Variants in CSMD1 observed in about 807,000 individuals in gnomAD.
CSMD1 encodes CUB and Sushi multiple domains 1, also known as CUB and sushi domain-containing protein 1.
In CSMD1, 213 loss-of-function variants were observed where a neutral mutation model predicts 417.5. The ratio of observed to expected loss-of-function variants is 0.51; its 90% CI spans 0.46 to 0.57. The LOEUF (loss-of-function observed/expected upper bound fraction) is 0.57. Ranked by LOEUF, CSMD1 falls within the 20% of genes least tolerant of loss-of-function variation. CSMD1 has a pLI of 0.00. For missense variants in CSMD1, 6,923 were observed against 4,529.7 expected (o/e 1.53, Z -15.17); for synonymous variants, 2,862 against 1,736.8 (o/e 1.65, Z -16.11).
intron 3 of CSMD1, among the ~76,000 whole-genome samples, chr8:4,165,277 G>C (rs976773598): frequency 6.6e-6 from 1 of 152,230 alleles, no homozygotes; most frequent in Admixed American, 6.5e-5. Context: ...AGTTACAGCT[G>C]TTGATCCACT....
chr8:3,465,289 C>T (rs993540437), intron 12 of CSMD1, among the ~76,000 whole-genome samples: 2 of 152,090 alleles, frequency 1.3e-5, no homozygotes, highest in Non-Finnish European at 2.9e-5. Flanking sequence ...CTAAAAGGGT[C>T]CATTAACTGA....
At chr8:4,039,426 T>A (rs1797775539) in intron 3 of CSMD1, among the ~76,000 whole-genome samples, 7 of 152,214 alleles carry the variant, frequency 4.6e-5, no homozygotes, top group African/African-American at 1.4e-4. Context: ...CAGGATCACA[T>A]TAAAAAATCG....
chr8:3,364,444 A>G (rs1258181751), intron 20 of CSMD1, among the ~76,000 whole-genome samples: 2 of 152,210 alleles, frequency 1.3e-5, no homozygotes, highest in Admixed American at 6.5e-5. Flanking sequence ...TAACCACTTT[A>G]AAGACCCATG....
chr8:4,915,707 C>A (rs1806018345), intron 1 of CSMD1, among the ~76,000 whole-genome samples: 1 of 152,270 alleles, frequency 6.6e-6, no homozygotes, highest in Middle Eastern at 3.4e-3. Context: ...AGGGTCACGC[C>A]CTAAACATTA....
At chr8:4,400,537 T>G (rs1426527278) in intron 3 of CSMD1, among the ~76,000 whole-genome samples, 2 of 152,234 alleles carry the variant, frequency 1.3e-5, no homozygotes, top group Non-Finnish European at 2.9e-5. Context: ...CTCTATGCCT[T>G]TCGTGCAAGG....
intron 3 of CSMD1, among the ~76,000 whole-genome samples, chr8:4,186,559 G>C (rs915422234): frequency 3.3e-5 from 5 of 152,216 alleles, no homozygotes; most frequent in African/African-American, 9.6e-5. Flanking sequence ...TATAAAAGAC[G>C]AAATAATAGG....
intron 12 of CSMD1, among the ~76,000 whole-genome samples, chr8:3,414,009 C>A (rs768431886): frequency 6.8e-4 from 103 of 151,580 alleles, no homozygotes; most frequent in Middle Eastern, 6.8e-3. Flanking sequence ...AATGGTGGTG[C>A]ACGCCTGGAA....
At chr8:4,588,765 C>T (rs1234097681) in intron 2 of CSMD1, among the ~76,000 whole-genome samples, 1 of 136,850 alleles carries the variant, frequency 7.3e-6, no homozygotes, top group African/African-American at 2.7e-5. Context: ...AGCCTGGCGA[C>T]AGAGCAAGAC....
At chr8:4,006,952 C>T (rs774324826) in intron 4 of CSMD1, among the ~76,000 whole-genome samples, 2 of 150,932 alleles carry the variant, frequency 1.3e-5, no homozygotes, top group Non-Finnish European at 1.5e-5. Context: ...TTCAGACTCA[C>T]GAGTAGCTGG....
intron 3 of CSMD1, among the ~76,000 whole-genome samples, chr8:4,298,495 G>C (rs779100096): frequency 2.0e-5 from 3 of 152,022 alleles, no homozygotes; most frequent in Non-Finnish European, 4.4e-5. Flanking sequence ...TTGAGTAATG[G>C]ATACCTTAAA....
intron 6 of CSMD1, among the ~76,000 whole-genome samples, chr8:3,745,729 T>A (rs976969633): frequency 1.3e-5 from 2 of 152,200 alleles, no homozygotes; most frequent in Non-Finnish European, 2.9e-5. Context: ...ATTCCTTATT[T>A]CATTAAGCAA....
chr8:4,710,091 G>T (rs73514803), intron 1 of CSMD1, among the ~76,000 whole-genome samples: 3 of 151,900 alleles, frequency 2.0e-5, no homozygotes, highest in Non-Finnish European at 2.9e-5. Flanking sequence ...ACAAAATATC[G>T]CCCAAGGAAA....
intron 3 of CSMD1, among the ~76,000 whole-genome samples, chr8:4,390,149 T>A (rs910092535): frequency 1.3e-5 from 2 of 152,356 alleles, no homozygotes; most frequent in African/African-American, 4.8e-5. Context: ...TAATTCATTG[T>A]CATCCCATTG....
intron 6 of CSMD1, among the ~76,000 whole-genome samples, chr8:3,747,548 C>G (rs1362606265): frequency 6.6e-6 from 1 of 151,430 alleles, no homozygotes. Flanking sequence ...CATGTCGTTA[C>G]ATGTAGAGGC....
intron 3 of CSMD1, among the ~76,000 whole-genome samples, chr8:4,327,246 T>C (rs1034983458): frequency 3.0e-4 from 45 of 152,228 alleles, no homozygotes; most frequent in African/African-American, 1.0e-3. Flanking sequence ...TAGTGTTTAA[T>C]ACAAACGTCC....
rs11775748 is a variant in CSMD1, at chr8:4,862,977, A to T, written c.85+131355T>A. ...CCACAAAGCCAAGTCAGGGTGCCCA[A>T]GAGGGAACCAGCAAATACCCCCGTA... On this transcript the variant is annotated intron_variant, in intron 1 of 69. Transcript: ENST00000635120. Among the ~76,000 whole-genome samples, 10 of 151,960 alleles carry T rather than the reference A, an allele frequency of 6.6e-5. No individual in the cohort carries two copies. In the East Asian group the frequency reaches 1.7e-3, roughly 27 times the overall value.
At chr8:4,609,236 C>A (rs544232480) in intron 2 of CSMD1, among the ~76,000 whole-genome samples, 6 of 152,136 alleles carry the variant, frequency 3.9e-5, no homozygotes, top group South Asian at 2.1e-4. Flanking sequence ...CCTGTATCTA[C>A]AAAAAAATGA....
chr8:4,614,710 G>C (rs2617109), intron 2 of CSMD1, among the ~76,000 whole-genome samples: 76,647 of 151,872 alleles, frequency 0.5, 20,780 homozygotes, highest in African/African-American at 0.71. Flanking sequence ...TTCATGGAAC[G>C]AACACTTCCT....
At position 3,070,996 on chromosome 8, in the gene CSMD1, T is replaced by C. The variant is rs1305017690; in HGVS notation, c.7474+16101A>G. ...AGCTCCTGGGGAGACCTGAGGGAGA[T>C]TTTAATCATGGCAGAAGGCCAAGGG... On this transcript the variant is annotated intron_variant, in intron 49 of 69. Coordinates refer to ENST00000635120, the MANE Select transcript of CSMD1 (RefSeq NM_033225.6). Among the ~76,000 whole-genome samples the C allele has an allele frequency of 2.0e-4, 30 of 152,258 alleles. 1 individual carries two copies. The highest frequency in any genetic ancestry group is 1.5e-5 in the Non-Finnish European group (1 of 68,028).
Sources: gnomAD v4.1 joint callset for allele counts (sites outside exome capture counted in the v4.1 genomes callset) on GRCh38, gnomAD v4.1.1 for gene constraint, MANE v1.5 for transcripts, NCBI Gene and HGNC (gene_info 2026-07-23, HGNC 2026-07-21) for gene names.